GATAD2B: variants seen among roughly 807,000 people sequenced by gnomAD.
GATAD2B encodes the protein GATA zinc finger domain containing 2B, also known as transcriptional repressor p66-beta.
GATAD2B carries 8 observed loss-of-function variants against 64.3 expected under a neutral mutation model. The observed-to-expected ratio is 0.12, with a 90% CI of 0.07 to 0.22. The LOEUF is 0.22. Among genes scored for constraint, GATAD2B ranks in the 10% least tolerant of loss-of-function variants. The pLI is 1.00. For synonymous variants in GATAD2B, 281 were observed against 271.3 expected (o/e 1.04, Z -0.35); for missense variants, 453 against 752.0 (o/e 0.60, Z 4.65).
chr1:153,820,130 T>C (rs1201420084), intron 2 of GATAD2B, among the ~76,000 whole-genome samples: 1 of 150,884 alleles, frequency 6.6e-6, no homozygotes, highest in Non-Finnish European at 1.5e-5. Context: ...TAGTCTATCC[T>C]GTCAAGAGTA....
At position 153,816,216 on chromosome 1, in the gene GATAD2B, T is replaced by G; in HGVS notation, c.1216+57A>C. 1.8e-6 allele frequency: 2 copies of G among 1,126,136 alleles called. No individual in the cohort carries two copies. The highest frequency in any genetic ancestry group is 2.6e-5 in the South Asian group (2 of 75,536). The allele number at this position is 1,126,136 out of a possible 1,614,324, so 69.8% of individuals were successfully genotyped here. ...AGTACCCTCTGATACTCTGCCTATG[T>G]CAATCAGGCTTGGCAACCACTTGCT... On this transcript the variant is annotated intron_variant, in intron 7 of 10. Transcript: ENST00000368655. The surrounding 1 kb of genome is among the most constrained non-coding windows in gnomAD (Gnocchi z 4.9).
At chr1:153,818,476 G>A (rs532926441) in intron 4 of GATAD2B, among the ~76,000 whole-genome samples, 17 of 151,710 alleles carry the variant, frequency 1.1e-4, no homozygotes, top group Admixed American at 3.3e-4. Flanking sequence ...CACCATGACC[G>A]GCTAATTTTT....
At chr1:153,860,995 G>C (rs1433002305) in intron 1 of GATAD2B, among the ~76,000 whole-genome samples, 1 of 152,134 alleles carries the variant, frequency 6.6e-6, no homozygotes, top group African/African-American at 2.4e-5. Context: ...ATTTCTTGTT[G>C]AATGAACTGG....
At chr1:153,872,316 C>CA (rs779386978) in intron 1 of GATAD2B, among the ~76,000 whole-genome samples, 5,352 of 57,936 alleles carry the variant, frequency 0.092, 284 homozygotes, top group African/African-American at 0.18. Context: ...ACTCTGTCTC[C>CA]AAAAAAAAAA....
intron 1 of GATAD2B, among the ~76,000 whole-genome samples, chr1:153,894,054 G>A (rs1177565450): frequency 6.6e-6 from 1 of 151,388 alleles, no homozygotes; most frequent in Non-Finnish European, 1.5e-5. Flanking sequence ...TCTTCAAGGA[G>A]GTTTGTGGCA....
rs138591688 is a variant in GATAD2B at position 153,835,516 on chromosome 1, C to G, written c.-1-7168G>C. On this transcript the variant is annotated intron_variant, in intron 1 of 10. Coordinates refer to ENST00000368655, the MANE Select transcript of GATAD2B (RefSeq NM_020699.4). ...CCAGGTTACCCCAACCTTCAGCAAC[C>G]ACCACACTAATGGGTGAGCAGTCAT... 2.0e-3 allele frequency among the ~76,000 whole-genome samples: 304 copies of G among 151,976 alleles called. 2 individuals carry two copies. Among genetic ancestry groups the G allele is most frequent in the African/African-American group, 6.9e-3 (288 of 41,474 alleles).
rs189310462 is a variant in GATAD2B, at chr1:153,889,165, G to C, written c.-2+33568C>G. 2.6e-3 allele frequency among the ~76,000 whole-genome samples: 389 copies of C among 151,992 alleles called. 2 individuals carry two copies. Among genetic ancestry groups the C allele is most frequent in the Admixed American group, 4.6e-3 (70 of 15,214 alleles). On this transcript the variant is annotated intron_variant, in intron 1 of 10. Transcript: ENST00000368655. Reference sequence around the variant, plus strand: ...TAGATCTAATTATTGAATAAAAATAGAATGTATCAGGCCGGGTGTGGTGGC... The same window carrying C: ...TAGATCTAATTATTGAATAAAAATACAATGTATCAGGCCGGGTGTGGTGGC...
intron 1 of GATAD2B, among the ~76,000 whole-genome samples, chr1:153,838,838 A>C (rs2101899538): frequency 6.6e-6 from 1 of 152,278 alleles, no homozygotes; most frequent in Non-Finnish European, 1.5e-5. Flanking sequence ...GGCTGGACAC[A>C]GTGGCTCACG....
intron 1 of GATAD2B, among the ~76,000 whole-genome samples, chr1:153,902,001 C>T (rs1226170703): frequency 7.0e-6 from 1 of 143,394 alleles, no homozygotes; most frequent in Non-Finnish European, 1.5e-5. Flanking sequence ...AAAAAAAAGG[C>T]CGCGCACAGT....
intron 1 of GATAD2B, among the ~76,000 whole-genome samples, chr1:153,835,542 C>A (rs1675233019): frequency 6.6e-6 from 1 of 151,904 alleles, no homozygotes; most frequent in Non-Finnish European, 1.5e-5. Flanking sequence ...GAGCAGTCAT[C>A]CACATGGAGG....
At chr1:153,892,416 G>A (rs571400185) in intron 1 of GATAD2B, among the ~76,000 whole-genome samples, 1 of 152,028 alleles carries the variant, frequency 6.6e-6, no homozygotes, top group East Asian at 1.9e-4. Flanking sequence ...GAATCCAAGG[G>A]AAAAATAAAT....
At chr1:153,870,718 A>T (rs968054087) in intron 1 of GATAD2B, among the ~76,000 whole-genome samples, 34 of 152,342 alleles carry the variant, frequency 2.2e-4, no homozygotes, top group African/African-American at 8.2e-4. Context: ...TATATATGAA[A>T]CAAATCAATT....
chr1:153,906,412 C>T (rs1446065015), intron 1 of GATAD2B, among the ~76,000 whole-genome samples: 1 of 152,164 alleles, frequency 6.6e-6, no homozygotes, highest in African/African-American at 2.4e-5. Context: ...GAGCCAGACT[C>T]TGTCTTAACA....
intron 1 of GATAD2B, among the ~76,000 whole-genome samples, chr1:153,854,332 G>A (rs1676009078): frequency 6.6e-6 from 1 of 152,114 alleles, no homozygotes; most frequent in South Asian, 2.1e-4. Context: ...GAACCCGGGA[G>A]GTGGAGCTTG....
Position 153,921,593 on chromosome 1 carries a change from TAC to T in GATAD2B, c.-2+1138_-2+1139del, listed in dbSNP as rs375613490. Among the ~76,000 whole-genome samples, 16 of 150,788 alleles carry T rather than the reference TAC, an allele frequency of 1.1e-4. No homozygotes were observed. The East Asian group carries it at 1.5e-3, about 15-fold the overall frequency. ...TATCCCCCCATCTCTCTCTCTCTCTTACACACACACACACGCACACACACACG... is the reference window on the plus strand; with the variant it reads ...TATCCCCCCATCTCTCTCTCTCTCTTACACACACACACGCACACACACACG... On this transcript the variant is annotated intron_variant, in intron 1 of 10. Coordinates refer to ENST00000368655, the MANE Select transcript of GATAD2B (RefSeq NM_020699.4).
At chr1:153,851,872 T>C (rs1419938531) in intron 1 of GATAD2B, among the ~76,000 whole-genome samples, 1 of 152,180 alleles carries the variant, frequency 6.6e-6, no homozygotes, top group East Asian at 1.9e-4. Context: ...TTGTGAGTTC[T>C]GGCTAGGCTC....
chr1:153,817,082 GCTTT>G (rs774968798), intron 6 of GATAD2B, among the ~76,000 whole-genome samples: 4 of 152,110 alleles, frequency 2.6e-5, no homozygotes, highest in Non-Finnish European at 4.4e-5. Flanking sequence ...ATAAGATTTT[GCTTT>G]CTGTCACACA....
intron 1 of GATAD2B, chr1:153,852,824 C>A: frequency 2.3e-6 from 2 of 873,382 alleles, no homozygotes; most frequent in Admixed American, 1.9e-5. Flanking sequence ...TTTTTTGCTT[C>A]TTTTTCTAGT....
In GATAD2B at chr1:153,828,036, A is replaced by T. The variant is rs775142561; in HGVS notation, c.312T>A (p.Pro104=). The change falls in exon 2 of 11, where the codon CCT becomes CCA. Residue 104 remains proline (P), a synonymous_variant. Coordinates refer to ENST00000368655, the MANE Select transcript of GATAD2B (RefSeq NM_020699.4). ...ACCTCCGTCTAGCACTCATATCCAC[A>T]GGCTCATCATTGATGTTTTCTTTGC... ...RPGKENINDE[P]VDMSARRSEP... is the part of the protein sequence containing the mutation. 22 of 1,613,896 alleles carry T rather than the reference A, an allele frequency of 1.4e-5. No homozygotes were observed. In the South Asian group the frequency reaches 2.2e-4, roughly 16 times the overall value.
Sources: allele counts gnomAD v4.1 joint callset (sites outside exome capture counted in the v4.1 genomes callset), GRCh38; gene constraint gnomAD v4.1.1; non-coding constraint Gnocchi (gnomAD v3.1); transcripts MANE v1.5; gene names NCBI Gene and HGNC (gene_info 2026-07-23, HGNC 2026-07-21).